B3GALT1: variants seen among roughly 807,000 people sequenced by gnomAD.
B3GALT1 encodes UDP-Gal:betaGlcNAc beta 1,3-galactosyltransferase, polypeptide 1.
Under a neutral mutation model 23.2 loss-of-function variants are expected in B3GALT1, and 10 were observed. The observed-to-expected ratio is 0.43, with a 90% CI of 0.27 to 0.73. The LOEUF (loss-of-function observed/expected upper bound fraction) is 0.73, where lower values mean the gene tolerates loss of function less well. Among genes scored for constraint, B3GALT1 ranks in the 30% least tolerant of loss-of-function variants. The pLI is 0.21. For synonymous variants in B3GALT1, 156 were observed against 141.5 expected, an observed-to-expected ratio of 1.10 and a Z score of -0.73; for missense variants, 299 against 405.4, an observed-to-expected ratio of 0.74 and a Z score of 2.25.
chr2:167,848,597 T>C (rs1183091838), intron 4 of B3GALT1, among the ~76,000 whole-genome samples: 2 of 152,034 alleles, frequency 1.3e-5, no homozygotes, highest in Non-Finnish European at 2.9e-5. Flanking sequence ...CATACCTCAA[T>C]GTAATAAAAG....
At chr2:167,440,656 T>C (rs528167011) in intron 1 of B3GALT1, among the ~76,000 whole-genome samples, 85 of 152,246 alleles carry the variant, frequency 5.6e-4, no homozygotes, top group Non-Finnish European at 1.2e-3. Flanking sequence ...TTTTTTTTAA[T>C]TTCAATATTT....
intron 1 of B3GALT1, among the ~76,000 whole-genome samples, chr2:167,312,276 T>C (rs1696643240): frequency 6.6e-6 from 1 of 151,970 alleles, no homozygotes; most frequent in South Asian, 2.1e-4. Context: ...TTTCATAAAA[T>C]AATACTGAAA....
chr2:167,480,609 A>G (rs1448925766), intron 1 of B3GALT1, among the ~76,000 whole-genome samples: 1 of 152,130 alleles, frequency 6.6e-6, no homozygotes, highest in East Asian at 1.9e-4. Context: ...AACAAAAAAC[A>G]AACAAACAAA....
chr2:167,757,216 C>T lies in B3GALT1; in HGVS notation c.-351-61456C>T, dbSNP rs564404379. The stretch of plus-strand genomic sequence containing the variant: ...TAGGTTGAAGGAAATAATTTGCTGC[C>T]GTGCCCCATTCAGTTCAGTGTAATA... On this transcript the variant is annotated intron_variant, in intron 3 of 4. Transcript: ENST00000392690. Among the ~76,000 whole-genome samples, 105 of 152,214 alleles carry T rather than the reference C, an allele frequency of 6.9e-4. 1 individual carries two copies. Among genetic ancestry groups the T allele is most frequent in the African/African-American group, 2.5e-3 (104 of 41,532 alleles).
At chr2:167,417,456 A>G (rs919759420) in intron 1 of B3GALT1, among the ~76,000 whole-genome samples, 1 of 152,164 alleles carries the variant, frequency 6.6e-6, no homozygotes, top group East Asian at 1.9e-4. Flanking sequence ...ACTGTAAGAA[A>G]TAATTTTTTG....
chr2:167,444,079 G>A (rs1698941956), intron 1 of B3GALT1, among the ~76,000 whole-genome samples: 1 of 151,910 alleles, frequency 6.6e-6, no homozygotes, highest in Non-Finnish European at 1.5e-5. Context: ...TAGCATGAAG[G>A]GCTGTTGAAT....
rs554247227 is a variant in B3GALT1 at position 167,753,325 on chromosome 2, G to C, written c.-351-65347G>C. 2.0e-5 allele frequency among the ~76,000 whole-genome samples: 3 copies of C among 152,260 alleles called. No individual in the cohort carries two copies. The South Asian group carries it at 6.2e-4, about 32-fold the overall frequency. ...GCAAGAGACAGGCCCGTCAATCTGC[G>C]CTAGCCATGGGACTAAAGCCATGCC... On this transcript the variant is annotated intron_variant, in intron 3 of 4. Coordinates refer to ENST00000392690, the MANE Select transcript of B3GALT1 (RefSeq NM_020981.4).
chr2:167,719,830 G>A (rs967502907), intron 3 of B3GALT1, among the ~76,000 whole-genome samples: 3 of 152,022 alleles, frequency 2.0e-5, no homozygotes, highest in Admixed American at 6.5e-5. Context: ...TACTCAGGAG[G>A]CTGAGGCAGG....
intron 3 of B3GALT1, among the ~76,000 whole-genome samples, chr2:167,765,990 G>A (rs183608592): frequency 6.6e-6 from 1 of 152,156 alleles, no homozygotes; most frequent in East Asian, 1.9e-4. Flanking sequence ...TTCCTTTACC[G>A]AGCTGTCAGC....
intron 2 of B3GALT1, among the ~76,000 whole-genome samples, chr2:167,601,134 A>G (rs1286586304): frequency 1.3e-5 from 2 of 152,174 alleles, no homozygotes; most frequent in East Asian, 1.9e-4. Context: ...ATCTCTGCTC[A>G]CTGCAACCTC....
intron 2 of B3GALT1, among the ~76,000 whole-genome samples, chr2:167,491,057 A>G (rs1699700858): frequency 6.6e-6 from 1 of 152,164 alleles, no homozygotes; most frequent in African/African-American, 2.4e-5. Flanking sequence ...AATTTACACA[A>G]GACAAAATTT....
chr2:167,783,272 T>C (rs1232013576), intron 3 of B3GALT1, among the ~76,000 whole-genome samples: 3 of 151,794 alleles, frequency 2.0e-5, no homozygotes, highest in African/African-American at 7.3e-5. Context: ...AGGGAAAAAA[T>C]GTCAAATGTT....
At chr2:167,679,178 G>A (rs889717523) in intron 3 of B3GALT1, among the ~76,000 whole-genome samples, 4 of 151,464 alleles carry the variant, frequency 2.6e-5, no homozygotes, top group African/African-American at 9.7e-5. Context: ...GTGCAATGGC[G>A]CAAAATCTCG....
chr2:167,693,405 AG>A (rs1337010551), intron 3 of B3GALT1, among the ~76,000 whole-genome samples: 2 of 152,096 alleles, frequency 1.3e-5, no homozygotes, highest in Non-Finnish European at 2.9e-5. Context: ...AAAGCCCCGT[AG>A]GAAAAGATTC....
chr2:167,427,670 AGG>A (rs1698643707), intron 1 of B3GALT1, among the ~76,000 whole-genome samples: 1 of 152,162 alleles, frequency 6.6e-6, no homozygotes, highest in African/African-American at 2.4e-5. Context: ...CTGAATAGTG[AGG>A]ACTACAGGCG....
At chr2:167,301,659 T>C (rs796530213) in intron 1 of B3GALT1, among the ~76,000 whole-genome samples, 7 of 152,304 alleles carry the variant, frequency 4.6e-5, no homozygotes, top group African/African-American at 1.7e-4. Flanking sequence ...CAAGCGATTC[T>C]CCTGCCTCAG....
At chr2:167,728,612 C>G (rs920775558) in intron 3 of B3GALT1, among the ~76,000 whole-genome samples, 1 of 152,120 alleles carries the variant, frequency 6.6e-6, no homozygotes, top group Non-Finnish European at 1.5e-5. Flanking sequence ...TAACTGTTGA[C>G]TTGTTTGGGG....
At chr2:167,638,084 A>T (rs1241171959) in intron 2 of B3GALT1, among the ~76,000 whole-genome samples, 2 of 152,064 alleles carry the variant, frequency 1.3e-5, no homozygotes, top group African/African-American at 4.8e-5. Flanking sequence ...ATAGAATAAG[A>T]CCAATAAGTG....
intron 3 of B3GALT1, among the ~76,000 whole-genome samples, chr2:167,783,421 T>C (rs995239049): frequency 2.6e-5 from 4 of 152,130 alleles, no homozygotes; most frequent in Non-Finnish European, 5.9e-5. Context: ...ATCCATTATG[T>C]TCCCTTCCCA....
Sources: allele counts gnomAD v4.1 joint callset (sites outside exome capture counted in the v4.1 genomes callset), GRCh38; gene constraint gnomAD v4.1.1; transcripts MANE v1.5; gene names NCBI Gene and HGNC (gene_info 2026-07-23, HGNC 2026-07-21).